RAD51B: variants seen among roughly 807,000 people sequenced by gnomAD.
RAD51B encodes the protein DNA repair protein RAD51 homolog 2.
RAD51B carries 38 observed loss-of-function variants against 42.2 expected under a neutral mutation model. The observed-to-expected ratio is 0.90, with a 90% CI of 0.70 to 1.18. RAD51B has a LOEUF of 1.18. RAD51B is among the 50% of genes most tolerant of loss of function. The pLI, the probability that RAD51B is intolerant of heterozygous loss-of-function variation, is 0.00. For missense variants in RAD51B, 373 were observed against 400.7 expected (o/e 0.93, Z 0.59); for synonymous variants, 154 against 145.2 (o/e 1.06, Z -0.43).
chr14:68,338,176 T>C (rs2082496351), intron 8 of RAD51B, among the ~76,000 whole-genome samples: 1 of 152,140 alleles, frequency 6.6e-6, no homozygotes, highest in Admixed American at 6.5e-5. Context: ...CACGAGACTC[T>C]CACATAACCC....
At chr14:67,891,708 T>G (rs1450837089) in intron 7 of RAD51B, among the ~76,000 whole-genome samples, 1 of 152,024 alleles carries the variant, frequency 6.6e-6, no homozygotes, top group African/African-American at 2.4e-5. Flanking sequence ...TGGGTTTAAT[T>G]TATGCAGGAT....
At chr14:68,514,436 A>C (rs1264135867) in intron 10 of RAD51B, among the ~76,000 whole-genome samples, 1 of 152,194 alleles carries the variant, frequency 6.6e-6, no homozygotes, top group Admixed American at 6.5e-5. Flanking sequence ...CAAGAAAAAT[A>C]ATCATTTGAC....
chr14:68,120,672 C>A (rs1293303230), intron 7 of RAD51B, among the ~76,000 whole-genome samples: 3 of 151,956 alleles, frequency 2.0e-5, no homozygotes, highest in African/African-American at 7.3e-5. Context: ...AGGGTGTCAC[C>A]CTTTGGGAGC....
At chr14:68,444,011 G>A (rs1192820918) in intron 9 of RAD51B, among the ~76,000 whole-genome samples, 1 of 152,172 alleles carries the variant, frequency 6.6e-6, no homozygotes, top group Non-Finnish European at 1.5e-5. Flanking sequence ...GTATGACTTT[G>A]AAGTGTATAT....
chr14:68,301,141 T>C (rs2139690238), intron 8 of RAD51B, among the ~76,000 whole-genome samples: 1 of 152,304 alleles, frequency 6.6e-6, no homozygotes, highest in African/African-American at 2.4e-5. Context: ...TTTTTAACCA[T>C]ACTTCCATCT....
intron 10 of RAD51B, among the ~76,000 whole-genome samples, chr14:68,555,628 G>C (rs1041926598): frequency 6.6e-6 from 1 of 152,188 alleles, no homozygotes; most frequent in African/African-American, 2.4e-5. Context: ...CAGCCATGGG[G>C]TTGCAAAGGA....
intron 8 of RAD51B, among the ~76,000 whole-genome samples, chr14:68,292,785 A>T (rs1400249331): frequency 6.6e-6 from 1 of 152,172 alleles, no homozygotes; most frequent in East Asian, 1.9e-4. Context: ...GCTTTGCTTT[A>T]TGGTCTTAGA....
At chr14:68,012,137 G>T (rs920869241) in intron 7 of RAD51B, among the ~76,000 whole-genome samples, 1 of 151,892 alleles carries the variant, frequency 6.6e-6, no homozygotes, top group African/African-American at 2.4e-5. Context: ...TGGATTCTTC[G>T]GTCTAGATTT....
chr14:68,581,011 T>C (rs565006257), intron 10 of RAD51B, among the ~76,000 whole-genome samples: 7 of 152,360 alleles, frequency 4.6e-5, no homozygotes, highest in African/African-American at 1.7e-4. Flanking sequence ...AAGCATTAAT[T>C]ACTTTTATTA....
chr14:68,504,997 T>C (rs1411477998), intron 10 of RAD51B, among the ~76,000 whole-genome samples: 1 of 152,162 alleles, frequency 6.6e-6, no homozygotes. Context: ...CTGAAATCCA[T>C]AGTATGTAAA....
At chr14:67,872,601 A>G (rs1416498017) in intron 5 of RAD51B, among the ~76,000 whole-genome samples, 2 of 150,318 alleles carry the variant, frequency 1.3e-5, no homozygotes, top group African/African-American at 2.5e-5. Context: ...TAAAGTTCAT[A>G]TGGAACCAAA....
chr14:67,971,378 T>C (rs554368618), intron 7 of RAD51B, among the ~76,000 whole-genome samples: 2 of 152,212 alleles, frequency 1.3e-5, no homozygotes, highest in East Asian at 3.9e-4. Flanking sequence ...AAAAAAAGGT[T>C]ACTTTTAAAA....
intron 9 of RAD51B, among the ~76,000 whole-genome samples, chr14:68,420,271 T>G (rs1040051811): frequency 6.6e-6 from 1 of 152,158 alleles, no homozygotes; most frequent in Non-Finnish European, 1.5e-5. Context: ...AAGAGAGGGT[T>G]CTTGGACCTC....
At chr14:67,839,847 T>C (rs2041367002) in intron 4 of RAD51B, among the ~76,000 whole-genome samples, 2 of 152,124 alleles carry the variant, frequency 1.3e-5, no homozygotes, top group Admixed American at 6.5e-5. Flanking sequence ...TTTTGAGATA[T>C]AGTATTTCCA....
At chr14:68,476,332 T>G (rs1449424541) in intron 10 of RAD51B, among the ~76,000 whole-genome samples, 1 of 151,122 alleles carries the variant, frequency 6.6e-6, no homozygotes, top group Non-Finnish European at 1.5e-5. Context: ...GAGGATAGAT[T>G]CAGGGACACT....
At chr14:67,894,223 C>A (rs1367600251) in intron 7 of RAD51B, among the ~76,000 whole-genome samples, 5 of 152,118 alleles carry the variant, frequency 3.3e-5, no homozygotes, top group Admixed American at 6.5e-5. Context: ...TTACTAGTTA[C>A]CTCGTTCCAG....
intron 8 of RAD51B, among the ~76,000 whole-genome samples, chr14:68,346,241 A>C (rs2082674762): frequency 6.6e-6 from 1 of 152,220 alleles, no homozygotes; most frequent in South Asian, 2.1e-4. Context: ...AGGACAGAAA[A>C]AGAATTTTCT....
At position 68,022,636 on chromosome 14, in the gene RAD51B, G is replaced by A. The variant is rs1453718082; in HGVS notation, c.756+135432G>A. On this transcript the variant is annotated intron_variant, in intron 7 of 10. Transcript: ENST00000471583. ...ATTTTTTCATGTTTGTTGGCTGCTT[G>A]TCTCTCTTTTTTTTTTCTTCCAACT... is the stretch of plus-strand genomic sequence containing the variant. Among the ~76,000 whole-genome samples the A allele has an allele frequency of 4.6e-5, 7 of 151,860 alleles. No homozygotes were observed. In the South Asian group the frequency reaches 1.0e-3, roughly 23 times the overall value.
chr14:68,194,492 G>A (rs1048529827), intron 7 of RAD51B, among the ~76,000 whole-genome samples: 1 of 152,194 alleles, frequency 6.6e-6, no homozygotes, highest in Admixed American at 6.5e-5. Flanking sequence ...AGTAATAAAA[G>A]TGCCACACGG....
Sources: gnomAD v4.1 joint callset for allele counts (sites outside exome capture counted in the v4.1 genomes callset) on GRCh38, gnomAD v4.1.1 for gene constraint, MANE v1.5 for transcripts, NCBI Gene and HGNC (gene_info 2026-07-23, HGNC 2026-07-21) for gene names.